Variants in CD99L2 observed in about 807,000 individuals in gnomAD.
The protein encoded by CD99L2 is CD99 antigen-like protein 2.
Under a neutral mutation model 27.3 loss-of-function variants are expected in CD99L2, and 24 were observed. The ratio of observed to expected loss-of-function variants is 0.88; its 90% CI spans 0.64 to 1.24. The LOEUF (loss-of-function observed/expected upper bound fraction) is 1.24. CD99L2 is among the 50% of genes most tolerant of loss of function. CD99L2 has a pLI of 0.00. For synonymous variants in CD99L2, 97 were observed against 87.9 expected, an observed-to-expected ratio of 1.10 and a Z score of -0.58; for missense variants, 255 against 221.6, an observed-to-expected ratio of 1.15 and a Z score of -0.96.
intron 4 of CD99L2, among the ~76,000 whole-genome samples, chrX:150,802,828 G>A (rs1188203623): frequency 7.4e-5 from 7 of 94,910 alleles, no homozygotes; most frequent in Admixed American, 6.1e-4. Context: ...TGATCTGCCC[G>A]CCTTGGCCTC....
intron 2 of CD99L2, among the ~76,000 whole-genome samples, chrX:150,820,877 A>G (rs1486288853): frequency 1.8e-5 from 2 of 112,010 alleles, no homozygotes; most frequent in Non-Finnish European, 3.8e-5. Flanking sequence ...TACACTAGCA[A>G]TGATCAATAC....
intron 4 of CD99L2, among the ~76,000 whole-genome samples, chrX:150,813,224 CAT>C (rs1388392299): frequency 1.6e-4 from 18 of 111,468 alleles, no homozygotes; most frequent in South Asian, 3.7e-4. Flanking sequence ...GACACACACA[CAT>C]GTGAGTGTAA....
In CD99L2 at chrX:150,770,236, C is replaced by G. The variant is rs375290964; in HGVS notation, c.721+68G>C. Reference sequence around the variant, plus strand: ...TCTGTGCTTCCCTGCTTCTCTAGCACAGTTCTGCTCAGTGCTGGGACCAAC... The same window carrying G: ...TCTGTGCTTCCCTGCTTCTCTAGCAGAGTTCTGCTCAGTGCTGGGACCAAC... On this transcript the variant is annotated intron_variant, in intron 10 of 10. Coordinates refer to ENST00000370377, the MANE Select transcript of CD99L2 (RefSeq NM_031462.4). 3.0e-6 allele frequency: 3 copies of G among 1,014,889 alleles called. No homozygotes were observed. In the Admixed American group the frequency reaches 6.7e-5, roughly 23 times the overall value. The allele number at this position is 1,014,889 out of a possible 1,213,427, so 83.6% of individuals were successfully genotyped here. A position where few individuals can be genotyped will look rare whatever the true frequency, so the allele number is the denominator to read the frequency against.
At chrX:150,860,012 A>G (rs1429381659) in intron 1 of CD99L2, among the ~76,000 whole-genome samples, 1 of 111,459 alleles carries the variant, frequency 9.0e-6, no homozygotes, top group East Asian at 2.8e-4. Flanking sequence ...CAAAATCAGT[A>G]AAGGACACAA....
chrX:150,862,985 T>C (rs1413490827), intron 1 of CD99L2, among the ~76,000 whole-genome samples: 1 of 112,851 alleles, frequency 8.9e-6, no homozygotes, highest in African/African-American at 3.2e-5. Context: ...TATCCTGTTC[T>C]GCTAAACCTT....
At chrX:150,798,980 G>T (rs1000955132) in intron 4 of CD99L2, among the ~76,000 whole-genome samples, 6 of 112,132 alleles carry the variant, frequency 5.4e-5, no homozygotes, top group African/African-American at 1.9e-4. Flanking sequence ...CAAACTCCTG[G>T]ACTTAAGCCA....
At chrX:150,839,344 T>C (rs1286144333) in intron 1 of CD99L2, among the ~76,000 whole-genome samples, 3 of 111,509 alleles carry the variant, frequency 2.7e-5, no homozygotes, top group Non-Finnish European at 5.6e-5. Context: ...AGTGAGAGCC[T>C]GCAATCCTTG....
In CD99L2 at chrX:150,767,558, G is replaced by A. The variant is rs1398244543; in HGVS notation, c.*1476C>T. The A allele has an allele frequency of 6.3e-5, 7 of 111,772 alleles. No homozygotes were observed. Among genetic ancestry groups the A allele is most frequent in the African/African-American group, 1.3e-4 (4 of 30,675 alleles). The allele number at this position is 111,772 out of a possible 1,213,427, so 9.2% of individuals were successfully genotyped here. On this transcript the variant is annotated 3_prime_UTR_variant, in exon 11 of 11. Transcript: ENST00000370377. Reference sequence around the variant, plus strand: ...ACAGGCATGTTTGCAAAACGAACACGAGGCATGCGTTAGACAGATGCATGT... The same window carrying A: ...ACAGGCATGTTTGCAAAACGAACACAAGGCATGCGTTAGACAGATGCATGT...
Position 150,793,704 on chromosome X carries a change from A to G in CD99L2, c.483T>C (p.Pro161=). The part of the protein sequence containing the change: ...EDIVGGGEYK[P]DKGKGDGRYG... Reference sequence around the variant, plus strand: ...CAATGCTCCTACCTTTACCCTTGTCAGGTTTGTATTCTCCACCCCCTACTA... The same window carrying G: ...CAATGCTCCTACCTTTACCCTTGTCGGGTTTGTATTCTCCACCCCCTACTA... Residue 161 remains proline, a synonymous_variant, in exon 7 of 11, where the codon CCT becomes CCC. Coordinates refer to ENST00000370377, the MANE Select transcript of CD99L2 (RefSeq NM_031462.4). The G allele has an allele frequency of 8.4e-7, 1 of 1,196,550 alleles. No homozygotes were observed. Among genetic ancestry groups the G allele is most frequent in the Non-Finnish European group, 1.1e-6 (1 of 888,590 alleles).
intron 2 of CD99L2, chrX:150,828,500 C>T (rs1329527298): frequency 9.0e-6 from 1 of 111,399 alleles, no homozygotes; most frequent in Non-Finnish European, 1.9e-5. Context: ...AAGTCTGACT[C>T]CAAAGCCCTT....
intron 2 of CD99L2, among the ~76,000 whole-genome samples, chrX:150,821,213 G>A (rs782115773): frequency 1.3e-4 from 15 of 111,378 alleles, no homozygotes; most frequent in Non-Finnish European, 2.5e-4. Flanking sequence ...TAGCCAAATC[G>A]ATCTTTAAAA....
At chrX:150,782,074 C>T (rs1347513273) in intron 7 of CD99L2, among the ~76,000 whole-genome samples, 1 of 111,547 alleles carries the variant, frequency 9.0e-6, no homozygotes, top group Non-Finnish European at 1.9e-5. Context: ...TGGAGAGTAA[C>T]GTAATGGTAG....
At chrX:150,862,782 G>A (rs1388671800) in intron 1 of CD99L2, among the ~76,000 whole-genome samples, 1 of 109,532 alleles carries the variant, frequency 9.1e-6, no homozygotes, top group Non-Finnish European at 1.9e-5. Context: ...GGACACAGCA[G>A]TTGTCATCTA....
chrX:150,811,159 A>T (rs2046066448), intron 4 of CD99L2, among the ~76,000 whole-genome samples: 1 of 112,588 alleles, frequency 8.9e-6, no homozygotes, highest in African/African-American at 3.2e-5. Flanking sequence ...TATTCAATAA[A>T]GCACATGAAA....
intron 1 of CD99L2, among the ~76,000 whole-genome samples, chrX:150,866,790 T>C (rs1371022108): frequency 3.6e-5 from 4 of 111,908 alleles, no homozygotes; most frequent in African/African-American, 9.7e-5. Context: ...TTACACATGA[T>C]ATACATGTAT....
chrX:150,893,707 A>G (rs1203565884), intron 1 of CD99L2, among the ~76,000 whole-genome samples: 1 of 109,700 alleles, frequency 9.1e-6, no homozygotes, highest in Non-Finnish European at 1.9e-5. Context: ...TGCAGTTCCC[A>G]TACAACTCAG....
At chrX:150,775,658 A>G (rs1285535076) in intron 9 of CD99L2, among the ~76,000 whole-genome samples, 2 of 112,323 alleles carry the variant, frequency 1.8e-5, no homozygotes, top group Admixed American at 1.9e-4. Context: ...TAGGGGGAAG[A>G]GCACCAGGCA....
chrX:150,831,079 G>A (rs1557421049), intron 2 of CD99L2, 152 bp downstream of exon 2: 3 of 450,414 alleles, frequency 6.7e-6, no homozygotes, highest in Non-Finnish European at 1.1e-5. Context: ...AAATTGCTGG[G>A]ATTACAGGCG....
At chrX:150,773,823 C>A (rs781990109) in intron 9 of CD99L2, among the ~76,000 whole-genome samples, 1 of 112,635 alleles carries the variant, frequency 8.9e-6, no homozygotes, top group Non-Finnish European at 1.9e-5. Context: ...TCTGTTCTGG[C>A]AGCCCCAGTG....
Sources: allele counts gnomAD v4.1 joint callset (sites outside exome capture counted in the v4.1 genomes callset), GRCh38; gene constraint gnomAD v4.1.1; transcripts MANE v1.5; gene names NCBI Gene and HGNC (gene_info 2026-07-23, HGNC 2026-07-21).